Variants in CDH13 observed in about 807,000 individuals in gnomAD.
CDH13 encodes the protein cadherin-13.
Under a neutral mutation model 63.8 loss-of-function variants are expected in CDH13, and 24 were observed. The observed-to-expected ratio is 0.38, with a 90% CI of 0.27 to 0.53. The LOEUF is 0.53. Among genes scored for constraint, CDH13 ranks in the 20% least tolerant of loss-of-function variants. The pLI is 0.85. For missense variants in CDH13, 1,049 were observed against 903.1 expected, an observed-to-expected ratio of 1.16 and a Z score of -2.07; for synonymous variants, 503 against 355.3, an observed-to-expected ratio of 1.42 and a Z score of -4.67.
intron 6 of CDH13, among the ~76,000 whole-genome samples, chr16:83,352,404 T>G (rs2090971642): frequency 6.6e-6 from 1 of 152,202 alleles, no homozygotes; most frequent in Non-Finnish European, 1.5e-5. Context: ...GAAAGGAGGA[T>G]GGATAGTTCT....
At chr16:83,471,509 C>T (rs904576254) in intron 6 of CDH13, among the ~76,000 whole-genome samples, 1 of 152,084 alleles carries the variant, frequency 6.6e-6, no homozygotes, top group Non-Finnish European at 1.5e-5. Context: ...CTTCTGACCT[C>T]GTGATCCACC....
chr16:82,992,736 G>C (rs147121627), intron 2 of CDH13, among the ~76,000 whole-genome samples: 163 of 152,306 alleles, frequency 1.1e-3, no homozygotes, highest in African/African-American at 3.8e-3. Flanking sequence ...TTGGCATCAA[G>C]CAGATTAAAG....
At chr16:82,673,637 A>T (rs984886216) in intron 1 of CDH13, among the ~76,000 whole-genome samples, 1 of 152,258 alleles carries the variant, frequency 6.6e-6, no homozygotes, top group South Asian at 2.1e-4. Flanking sequence ...CATTTCTGAG[A>T]TGGCGAGAGC....
intron 7 of CDH13, among the ~76,000 whole-genome samples, chr16:83,522,275 A>C (rs552247715): frequency 5.9e-5 from 9 of 152,338 alleles, no homozygotes; most frequent in African/African-American, 2.2e-4. Flanking sequence ...GATCACGTCA[A>C]AATGTAGCCT....
At chr16:83,473,811 G>A (rs552238145) in intron 6 of CDH13, among the ~76,000 whole-genome samples, 1 of 152,302 alleles carries the variant, frequency 6.6e-6, no homozygotes, top group South Asian at 2.1e-4. Flanking sequence ...CCACTTACCA[G>A]CTAGATAACT....
At chr16:82,840,147 A>G (rs112630834) in intron 1 of CDH13, among the ~76,000 whole-genome samples, 375 of 152,252 alleles carry the variant, frequency 2.5e-3, no homozygotes, top group Middle Eastern at 0.017. Context: ...CGCTATAATG[A>G]TAATAGGAGG....
intron 5 of CDH13, among the ~76,000 whole-genome samples, chr16:83,303,640 A>T (rs2089802201): frequency 6.6e-6 from 1 of 152,160 alleles, no homozygotes; most frequent in Admixed American, 6.5e-5. Flanking sequence ...TTGTAGGTAG[A>T]TAAGGAAACT....
intron 2 of CDH13, among the ~76,000 whole-genome samples, chr16:82,951,775 A>T (rs984237749): frequency 1.3e-5 from 2 of 152,178 alleles, no homozygotes; most frequent in Non-Finnish European, 2.9e-5. Context: ...TTTGATGAAT[A>T]TTCAAGGACA....
chr16:83,381,168 G>C (rs2091559703), intron 6 of CDH13, among the ~76,000 whole-genome samples: 1 of 151,996 alleles, frequency 6.6e-6, no homozygotes, highest in Non-Finnish European at 1.5e-5. Context: ...TTTAATAGTT[G>C]CTTGCTTTTT....
At chr16:83,611,977 A>G (rs1250998632) in intron 8 of CDH13, among the ~76,000 whole-genome samples, 1 of 152,096 alleles carries the variant, frequency 6.6e-6, no homozygotes, top group African/African-American at 2.4e-5. Flanking sequence ...GCTTTAAAAT[A>G]ATGTTAATTC....
At chr16:83,093,984 A>G (rs969930118) in intron 3 of CDH13, among the ~76,000 whole-genome samples, 1 of 152,198 alleles carries the variant, frequency 6.6e-6, no homozygotes, top group South Asian at 2.1e-4. Context: ...GTTTCATAGA[A>G]AAGGTGATCT....
intron 5 of CDH13, among the ~76,000 whole-genome samples, chr16:83,271,906 A>G (rs2088830180): frequency 6.6e-6 from 1 of 152,200 alleles, no homozygotes; most frequent in Non-Finnish European, 1.5e-5. Flanking sequence ...CTTCAAACCT[A>G]AGTGATCCAT....
intron 1 of CDH13, among the ~76,000 whole-genome samples, chr16:82,820,239 G>T (rs542486411): frequency 1.3e-5 from 2 of 152,286 alleles, no homozygotes; most frequent in African/African-American, 2.4e-5. Context: ...AATAGTGAAT[G>T]GAAAGCACCA....
intron 6 of CDH13, among the ~76,000 whole-genome samples, chr16:83,350,914 C>T (rs541807732): frequency 6.6e-6 from 1 of 152,284 alleles, no homozygotes; most frequent in East Asian, 1.9e-4. Flanking sequence ...CCATTCCAGA[C>T]ATAAGAAAAA....
intron 6 of CDH13, among the ~76,000 whole-genome samples, chr16:83,455,193 C>T (rs921138753): frequency 6.6e-5 from 10 of 152,206 alleles, no homozygotes; most frequent in African/African-American, 2.4e-4. Context: ...CTCTGACTTT[C>T]AGAGGGTGGA....
intron 8 of CDH13, among the ~76,000 whole-genome samples, chr16:83,644,327 TC>T (rs1466532754): frequency 7.9e-5 from 12 of 152,226 alleles, no homozygotes; most frequent in African/African-American, 2.7e-4. Flanking sequence ...TGTATTGTGT[TC>T]TGTTTTATAG....
At chr16:83,635,922 A>G (rs1859448895) in intron 8 of CDH13, among the ~76,000 whole-genome samples, 2 of 152,120 alleles carry the variant, frequency 1.3e-5, no homozygotes, top group Admixed American at 1.3e-4. Flanking sequence ...TTCTTCTACA[A>G]ATTTTTATAG....
At chr16:82,641,943 C>A (rs1909453366) in intron 1 of CDH13, among the ~76,000 whole-genome samples, 1 of 152,082 alleles carries the variant, frequency 6.6e-6, no homozygotes, top group Non-Finnish European at 1.5e-5. Flanking sequence ...TAGCGACAGG[C>A]AGAGGTCATG....
intron 1 of CDH13, among the ~76,000 whole-genome samples, chr16:82,654,269 ACATGGTGGTCTTGGTTTCTTATT>A (rs1718708918): frequency 6.6e-6 from 1 of 152,180 alleles, no homozygotes; most frequent in Non-Finnish European, 1.5e-5. Context: ...GCTGACACTT[ACATGGTGGTCTTGGTTTCTTATT>A]CAAGGTCGGT....
Sources: gnomAD v4.1 joint callset for allele counts (sites outside exome capture counted in the v4.1 genomes callset) on GRCh38, gnomAD v4.1.1 for gene constraint, MANE v1.5 for transcripts, NCBI Gene and HGNC (gene_info 2026-07-23, HGNC 2026-07-21) for gene names.